NOVA1: variants seen among roughly 807,000 people sequenced by gnomAD.
NOVA1 encodes the protein NOVA alternative splicing regulator 1.
Under a neutral mutation model 38.0 loss-of-function variants are expected in NOVA1, and 7 were observed. That is an observed-to-expected ratio of 0.18 (90% CI 0.10 to 0.35). The LOEUF (loss-of-function observed/expected upper bound fraction) is 0.35, where lower values mean the gene tolerates loss of function less well. NOVA1 is among the 10% of genes least tolerant of loss of function. The pLI is 1.00. For synonymous variants in NOVA1, 270 were observed against 232.5 expected (o/e 1.16, Z -1.47); for missense variants, 460 against 616.0 (o/e 0.75, Z 2.68).
intron 2 of NOVA1, among the ~76,000 whole-genome samples, chr14:26,503,603 T>C (rs1887402480): frequency 6.6e-6 from 1 of 152,038 alleles, no homozygotes; most frequent in South Asian, 2.1e-4. Flanking sequence ...TACCAAACGT[T>C]TTTTGACCCA....
At chr14:26,471,557 A>G (rs1884594104) in intron 4 of NOVA1, among the ~76,000 whole-genome samples, 1 of 152,020 alleles carries the variant, frequency 6.6e-6, no homozygotes, top group South Asian at 2.1e-4. Context: ...ATATTATTCA[A>G]CATTGTCAAA....
intron 2 of NOVA1, among the ~76,000 whole-genome samples, chr14:26,521,415 G>C (rs1888880344): frequency 6.6e-6 from 1 of 152,042 alleles, no homozygotes; most frequent in Non-Finnish European, 1.5e-5. Flanking sequence ...AAAACAGAAA[G>C]AAACAAAACA....
intron 2 of NOVA1, among the ~76,000 whole-genome samples, chr14:26,495,839 T>C (rs1336349788): frequency 7.4e-6 from 1 of 134,920 alleles, no homozygotes; most frequent in South Asian, 2.8e-4. Flanking sequence ...TCATTTTTTA[T>C]GGCTGCATAG....
intron 4 of NOVA1, among the ~76,000 whole-genome samples, chr14:26,457,495 G>A (rs549608409): frequency 2.0e-5 from 3 of 152,180 alleles, no homozygotes; most frequent in Non-Finnish European, 2.9e-5. Context: ...CATTGTAACC[G>A]TTGTTAATGT....
At position 26,446,458 on chromosome 14, in the gene NOVA1, C is replaced by T. The variant is rs1411549058; in HGVS notation, c.*1501G>A. 1 of 152,596 alleles carries T rather than the reference C, an allele frequency of 6.6e-6. No individual in the cohort carries two copies. Among genetic ancestry groups the T allele is most frequent in the African/African-American group, 2.4e-5 (1 of 41,438 alleles). The allele number at this position is 152,596 out of a possible 1,614,324, so 9.5% of individuals were successfully genotyped here. ...ATGCCATTTAGCTTGCTAGGATGGA[C>T]GTAATCAATGGGTTGAAGTTGAGAT... is the stretch of plus-strand genomic sequence containing the variant. On this transcript the variant is annotated 3_prime_UTR_variant, in exon 5 of 5. Coordinates refer to ENST00000539517, the MANE Select transcript of NOVA1 (RefSeq NM_002515.3).
chr14:26,448,201 C>G lies in NOVA1; in HGVS notation c.1282G>C (p.Val428Leu). The G allele has an allele frequency of 6.2e-7, 1 of 1,614,224 alleles. No homozygotes were observed. The highest frequency in any genetic ancestry group is 8.5e-7 in the Non-Finnish European group (1 of 1,180,050). Residue 428 changes from valine to leucine, a missense_variant, in exon 5 of 5, where the codon GTG becomes CTG. By Grantham distance (32) the Val-to-Leu change is conservative. Transcript: ENST00000539517. This position sits in a 1 kb window ranked among gnomAD's most constrained non-coding sequence, Gnocchi z 5.3. The stretch of plus-strand genomic sequence containing the variant: ...ATTGCACCAACTAAGTTTTCTGGCA[C>G]TGCTATTTCAACTACATCCTTGGAT... Reference protein sequence around the residue: ...DGSKDVVEIAVPENLVGAILG... With the variant: ...DGSKDVVEIALPENLVGAILG...
At chr14:26,487,479 C>T (rs1211596754) in intron 2 of NOVA1, among the ~76,000 whole-genome samples, 1 of 151,950 alleles carries the variant, frequency 6.6e-6, no homozygotes, top group African/African-American at 2.4e-5. Context: ...GATTGACACA[C>T]ATAAAATCTC....
intron 4 of NOVA1, among the ~76,000 whole-genome samples, chr14:26,449,533 T>C (rs1308657957): frequency 6.6e-6 from 1 of 152,138 alleles, no homozygotes; most frequent in Non-Finnish European, 1.5e-5. Context: ...TCTTCAGAGA[T>C]AAAGGTCAGT....
intron 2 of NOVA1, among the ~76,000 whole-genome samples, chr14:26,548,390 A>T (rs1041221990): frequency 5.9e-5 from 9 of 152,114 alleles, no homozygotes; most frequent in African/African-American, 2.2e-4. Flanking sequence ...ATATGTGCAC[A>T]TTATAATTTA....
intron 2 of NOVA1, among the ~76,000 whole-genome samples, chr14:26,518,056 G>T (rs989848704): frequency 1.3e-5 from 2 of 151,964 alleles, no homozygotes; most frequent in Non-Finnish European, 2.9e-5. Flanking sequence ...CATGATATAA[G>T]TACAGGTCCA....
chr14:26,588,336 T>TA (rs1360877343), intron 2 of NOVA1: 1 of 151,480 alleles, frequency 6.6e-6, no homozygotes, highest in Non-Finnish European at 1.5e-5. Flanking sequence ...AAATATAACC[T>TA]ATTGAATAAA....
chr14:26,520,532 C>T (rs1015705077), intron 2 of NOVA1, among the ~76,000 whole-genome samples: 36 of 152,072 alleles, frequency 2.4e-4, no homozygotes, highest in Non-Finnish European at 3.4e-4. Context: ...AAAATTAAGC[C>T]GTGGCACTAA....
chr14:26,586,332 G>A (rs894605397), intron 2 of NOVA1, among the ~76,000 whole-genome samples: 1 of 151,096 alleles, frequency 6.6e-6, no homozygotes, highest in Non-Finnish European at 1.5e-5. Context: ...TAGCCAAAAA[G>A]GAGAAAACAG....
intron 2 of NOVA1, among the ~76,000 whole-genome samples, chr14:26,567,618 T>C (rs1475647086): frequency 6.6e-6 from 1 of 152,104 alleles, no homozygotes; most frequent in Non-Finnish European, 1.5e-5. Context: ...TTAAATAGTT[T>C]GACAGTGGTT....
At chr14:26,478,815 T>C (rs1436422729) in intron 3 of NOVA1, among the ~76,000 whole-genome samples, 1 of 151,956 alleles carries the variant, frequency 6.6e-6, no homozygotes, top group Non-Finnish European at 1.5e-5. Flanking sequence ...TATGAACATT[T>C]TTGTATAGAA....
intron 2 of NOVA1, among the ~76,000 whole-genome samples, chr14:26,591,944 G>A (rs1893873042): frequency 4.0e-5 from 6 of 150,426 alleles, no homozygotes; most frequent in Middle Eastern, 3.4e-3. Context: ...TGTGATACTA[G>A]TTTTATAATG....
chr14:26,596,878 A>G, intron 1 of NOVA1: 1 of 1,159,188 alleles, frequency 8.6e-7, no homozygotes, highest in Non-Finnish European at 1.1e-6. Flanking sequence ...TCCGCTACCC[A>G]AGTGCCATTT....
At chr14:26,576,609 G>A (rs921582456) in intron 2 of NOVA1, among the ~76,000 whole-genome samples, 2 of 151,120 alleles carry the variant, frequency 1.3e-5, no homozygotes, top group African/African-American at 2.4e-5. Context: ...CTGTGTGTGT[G>A]TATATATATA....
At chr14:26,575,468 A>C (rs1892783038) in intron 2 of NOVA1, among the ~76,000 whole-genome samples, 2 of 152,322 alleles carry the variant, frequency 1.3e-5, no homozygotes, top group South Asian at 2.1e-4. Flanking sequence ...CACGAAAAAT[A>C]AAATGTTTTA....
Sources: allele counts gnomAD v4.1 joint callset (sites outside exome capture counted in the v4.1 genomes callset), GRCh38; gene constraint gnomAD v4.1.1; non-coding constraint Gnocchi (gnomAD v3.1); transcripts MANE v1.5; gene names NCBI Gene and HGNC (gene_info 2026-07-23, HGNC 2026-07-21).